COBLL1: variants seen among roughly 807,000 people sequenced by gnomAD.
The protein encoded by COBLL1 is cordon-bleu WH2 repeat protein like 1.
A neutral mutation model predicts 94.8 loss-of-function variants in COBLL1; 50 were observed. The observed-to-expected ratio is 0.53, with a 90% CI of 0.42 to 0.67. The LOEUF (loss-of-function observed/expected upper bound fraction) is 0.67. Ranked by LOEUF, COBLL1 falls within the 30% of genes least tolerant of loss-of-function variation. The pLI, the probability that COBLL1 is intolerant of heterozygous loss-of-function variation, is 0.00. For synonymous variants in COBLL1, 448 were observed against 473.8 expected (o/e 0.95, Z 0.71); for missense variants, 1,362 against 1,348.7 (o/e 1.01, Z -0.15).
At chr2:164,694,023 A>C (rs1212188068) in intron 12 of COBLL1, among the ~76,000 whole-genome samples, 2 of 152,180 alleles carry the variant, frequency 1.3e-5, no homozygotes, top group African/African-American at 4.8e-5. Flanking sequence ...AGAAACTTTA[A>C]AACATTTGCT....
intron 2 of COBLL1, among the ~76,000 whole-genome samples, chr2:164,836,740 C>T (rs962719898): frequency 3.9e-5 from 6 of 152,178 alleles, no homozygotes; most frequent in Non-Finnish European, 7.4e-5. Context: ...TGATTAGTAA[C>T]AGCCTCTATT....
At position 164,822,684 on chromosome 2, in the gene COBLL1, A is replaced by G. The variant is rs114023400; in HGVS notation, c.41+18472T>C. On this transcript the variant is annotated intron_variant, in intron 2 of 13. Transcript: ENST00000652658. ...CAATATGGGTAGAGAGAAGGTATAT[A>G]CACATTTACATGCTCCACAGTCATG... is the stretch of plus-strand genomic sequence containing the variant. Among the ~76,000 whole-genome samples, 595 of 144,052 alleles carry G rather than the reference A, an allele frequency of 4.1e-3. 4 individuals carry two copies. Among genetic ancestry groups the G allele is most frequent in the Non-Finnish European group, 4.9e-3 (321 of 65,194 alleles). The allele number at this position is 144,052 out of a possible 152,430, so 94.5% of individuals were successfully genotyped here.
At position 164,692,240 on chromosome 2, in the gene COBLL1, G is replaced by A. The variant is rs191414861; in HGVS notation, c.3281C>T (p.Ala1094Val). The change falls in exon 13 of 14, where the codon GCT becomes GTT. Residue 1094 changes from alanine (A) to valine (V), a missense_variant. Physicochemically the swap from Ala to Val is moderately conservative, Grantham distance 64. Transcript: ENST00000652658. ...SLLTAIRSGE[A>V]AAKLKRVTIP... Reference sequence around the variant, plus strand: ...ACTTACCCTTTTCAATTTGGCAGCAGCCTCTCCCGAACGGATTGCAGTCAG... The same window carrying A: ...ACTTACCCTTTTCAATTTGGCAGCAACCTCTCCCGAACGGATTGCAGTCAG... The A allele has an allele frequency of 6.2e-5, 99 of 1,605,654 alleles. No homozygotes were observed. The East Asian group carries it at 2.1e-3, about 34-fold the overall frequency.
At chr2:164,701,335 C>T (rs2105446313) in intron 9 of COBLL1, among the ~76,000 whole-genome samples, 1 of 152,252 alleles carries the variant, frequency 6.6e-6, no homozygotes, top group South Asian at 2.1e-4. Context: ...TACTATGCAA[C>T]CTCAGTTAAA....
chr2:164,733,132 T>C (rs1686108904), intron 3 of COBLL1, among the ~76,000 whole-genome samples: 1 of 152,246 alleles, frequency 6.6e-6, no homozygotes, highest in African/African-American at 2.4e-5. Flanking sequence ...TTTTGTGCCA[T>C]AATTTTCATC....
chr2:164,701,780 T>G (rs971076350), intron 9 of COBLL1, among the ~76,000 whole-genome samples: 11 of 151,996 alleles, frequency 7.2e-5, no homozygotes, highest in Admixed American at 2.0e-4. Context: ...GCCATGGAAG[T>G]AAATGTAAGC....
At chr2:164,794,374 G>A (rs1683332736) in intron 2 of COBLL1, among the ~76,000 whole-genome samples, 1 of 152,092 alleles carries the variant, frequency 6.6e-6, no homozygotes, top group Admixed American at 6.6e-5. Flanking sequence ...TTTGAGTTTG[G>A]GAGGTATGTT....
At chr2:164,762,559 G>A (rs945373192) in intron 2 of COBLL1, among the ~76,000 whole-genome samples, 1 of 152,188 alleles carries the variant, frequency 6.6e-6, no homozygotes, top group Non-Finnish European at 1.5e-5. Context: ...TATATCAAAT[G>A]TATAGTGTAT....
At chr2:164,741,714 C>T (rs1355781140) in intron 3 of COBLL1, among the ~76,000 whole-genome samples, 1 of 151,932 alleles carries the variant, frequency 6.6e-6, no homozygotes, top group Non-Finnish European at 1.5e-5. Context: ...GATTTAGGGA[C>T]CTGAGGGGGC....
At chr2:164,706,002 C>T (rs1222508928) in intron 7 of COBLL1, among the ~76,000 whole-genome samples, 1 of 152,096 alleles carries the variant, frequency 6.6e-6, no homozygotes, top group African/African-American at 2.4e-5. Context: ...CCATTGCACT[C>T]GAGCCTGGGC....
chr2:164,764,444 T>C (rs1201831772), intron 2 of COBLL1, among the ~76,000 whole-genome samples: 10 of 152,170 alleles, frequency 6.6e-5, no homozygotes, highest in Non-Finnish European at 1.5e-4. Flanking sequence ...TTAGATTTGA[T>C]TGAATATATT....
At chr2:164,775,124 C>A (rs1327782799) in intron 2 of COBLL1, among the ~76,000 whole-genome samples, 1 of 150,844 alleles carries the variant, frequency 6.6e-6, no homozygotes, top group African/African-American at 2.5e-5. Flanking sequence ...CCACTGTACT[C>A]CAGCCTCGGC....
At chr2:164,665,095 C>T (rs1308402593) in intron 2 of COBLL1, among the ~76,000 whole-genome samples, 3 of 152,092 alleles carry the variant, frequency 2.0e-5, no homozygotes. Flanking sequence ...CTTTGGGAGG[C>T]CAAGGCGAGC....
At chr2:164,719,475 G>C (rs1330034336) in intron 7 of COBLL1, among the ~76,000 whole-genome samples, 1 of 152,210 alleles carries the variant, frequency 6.6e-6, no homozygotes, top group African/African-American at 2.4e-5. Context: ...TGTTGGCGGA[G>C]TCATGCTCCC....
At chr2:164,694,103 CA>C (rs1042473480) in intron 12 of COBLL1, among the ~76,000 whole-genome samples, 165 bp downstream of exon 12, 2 of 152,050 alleles carry the variant, frequency 1.3e-5, no homozygotes, top group Non-Finnish European at 2.9e-5. Flanking sequence ...TAATTGTGAG[CA>C]AATAATCAGA....
chr2:164,729,125 T>A (rs1264297279), intron 4 of COBLL1, among the ~76,000 whole-genome samples: 1 of 151,766 alleles, frequency 6.6e-6, no homozygotes, highest in Non-Finnish European at 1.5e-5. Context: ...ATTAATAATA[T>A]TAAATCATAT....
intron 3 of COBLL1, among the ~76,000 whole-genome samples, chr2:164,736,550 CTATCTGGTTGTT>C (rs1221972903): frequency 2.0e-5 from 3 of 152,134 alleles, no homozygotes; most frequent in African/African-American, 7.2e-5. Context: ...ACTTTGGACT[CTATCTGGTTGTT>C]TATCTTAGGT....
At chr2:164,702,575 A>AATAAAT (rs1553469789) in intron 9 of COBLL1, among the ~76,000 whole-genome samples, 1 of 135,070 alleles carries the variant, frequency 7.4e-6, no homozygotes, top group African/African-American at 3.0e-5. Context: ...AAAAAAAAAA[A>AATAAAT]AATAATAATA....
At chr2:164,793,489 T>C (rs1346722667) in intron 2 of COBLL1, among the ~76,000 whole-genome samples, 3 of 152,162 alleles carry the variant, frequency 2.0e-5, no homozygotes, top group Non-Finnish European at 4.4e-5. Flanking sequence ...TGCTGAAAAA[T>C]ACTAAAGGAA....
Sources: gnomAD v4.1 joint callset for allele counts (sites outside exome capture counted in the v4.1 genomes callset) on GRCh38, gnomAD v4.1.1 for gene constraint, MANE v1.5 for transcripts, NCBI Gene and HGNC (gene_info 2026-07-23, HGNC 2026-07-21) for gene names.